ISM1: variants seen among roughly 807,000 people sequenced by gnomAD.
The protein encoded by ISM1 is isthmin-1.
ISM1 carries 25 observed loss-of-function variants against 46.3 expected under a neutral mutation model. That is an observed-to-expected ratio of 0.54 (90% CI 0.39 to 0.75). The LOEUF (loss-of-function observed/expected upper bound fraction) is 0.75, where lower values mean the gene tolerates loss of function less well. ISM1 is among the 30% of genes least tolerant of loss of function. The pLI is 0.00. For synonymous variants in ISM1, 255 were observed against 256.7 expected (o/e 0.99, Z 0.06); for missense variants, 536 against 625.4 (o/e 0.86, Z 1.52).
At chr20:13,295,221 G>C (rs781127070) in intron 5 of ISM1, among the ~76,000 whole-genome samples, 4 of 152,106 alleles carry the variant, frequency 2.6e-5, no homozygotes, top group Middle Eastern at 3.2e-3. Flanking sequence ...CCCACCTGCT[G>C]TTTCCTCCCA....
chr20:13,228,773 A>T (rs559205826), intron 1 of ISM1, among the ~76,000 whole-genome samples: 2 of 152,262 alleles, frequency 1.3e-5, no homozygotes, highest in Non-Finnish European at 2.9e-5. Flanking sequence ...CCTGTTAGAG[A>T]TTGAAACTAA....
At chr20:13,229,881 G>A (rs1285803311) in intron 1 of ISM1, among the ~76,000 whole-genome samples, 1 of 151,976 alleles carries the variant, frequency 6.6e-6, no homozygotes, top group Non-Finnish European at 1.5e-5. Flanking sequence ...ATTCTGTTGT[G>A]GATTGACTCA....
intron 1 of ISM1, among the ~76,000 whole-genome samples, chr20:13,239,888 T>C (rs2039698150): frequency 6.6e-6 from 1 of 152,060 alleles, no homozygotes; most frequent in Non-Finnish European, 1.5e-5. Flanking sequence ...AGCCACACAA[T>C]CCCCCATTTC....
chr20:13,252,770 G>A (rs2039882313), intron 1 of ISM1, among the ~76,000 whole-genome samples: 1 of 151,934 alleles, frequency 6.6e-6, no homozygotes, highest in African/African-American at 2.4e-5. Context: ...AAAAAAAGAG[G>A]AGCCATCTTA....
intron 1 of ISM1, among the ~76,000 whole-genome samples, chr20:13,258,908 G>A (rs182344483): frequency 6.6e-5 from 10 of 152,204 alleles, no homozygotes; most frequent in African/African-American, 1.2e-4. Context: ...ACCAACATCC[G>A]GATAGGGGCC....
intron 5 of ISM1, among the ~76,000 whole-genome samples, chr20:13,297,664 CACAGG>C (rs1342030392): frequency 6.6e-6 from 1 of 152,230 alleles, no homozygotes; most frequent in African/African-American, 2.4e-5. Flanking sequence ...TTCACCTGTT[CACAGG>C]ATCAGTTGTT....
intron 1 of ISM1, among the ~76,000 whole-genome samples, chr20:13,246,883 C>T (rs969449085): frequency 1.2e-4 from 18 of 149,548 alleles, no homozygotes; most frequent in African/African-American, 4.4e-4. Flanking sequence ...ATCCTTCTCT[C>T]TTTTTTTTTT....
chr20:13,299,520 G>A lies in ISM1; in HGVS notation c.*61G>A. On this transcript the variant is annotated 3_prime_UTR_variant, in exon 6 of 6. Coordinates refer to ENST00000262487, the MANE Select transcript of ISM1 (RefSeq NM_080826.2). This position sits in a 1 kb window ranked among gnomAD's most constrained non-coding sequence, Gnocchi z 5.8. The stretch of plus-strand genomic sequence containing the variant: ...TTCTGGAGCACACACGTGCTGCACT[G>A]ACGTGCCGACTGGCGCCGAGACCTT... 1 of 1,460,334 alleles carries A rather than the reference G, an allele frequency of 6.8e-7. No individual in the cohort carries two copies. Among genetic ancestry groups the A allele is most frequent in the African/African-American group, 1.4e-5 (1 of 71,388 alleles). 90.5% of individuals were successfully genotyped at this position (1,460,334 alleles called of 1,614,324 possible). A position where few individuals can be genotyped will look rare whatever the true frequency, so the allele number is the denominator to read the frequency against.
the ISM1 span, among the ~76,000 whole-genome samples, chr20:13,309,603 T>C: frequency 6.6e-6 from 1 of 152,062 alleles, no homozygotes; most frequent in Non-Finnish European, 1.5e-5. Flanking sequence ...CCAGAACAAG[T>C]AGGCAAGAAA....
rs1432310660 is a variant in ISM1, at chr20:13,221,563, C to G, written c.-214C>G. On this transcript the variant is annotated 5_prime_UTR_variant, in exon 1 of 6. Coordinates refer to ENST00000262487, the MANE Select transcript of ISM1 (RefSeq NM_080826.2). ...TGGCTCCGCCGTGGTGCGGCGGCGGCGGCGGCGGCGGCGCCGGCAGCTCCT... is the reference window on the plus strand; with the variant it reads ...TGGCTCCGCCGTGGTGCGGCGGCGGGGGCGGCGGCGGCGCCGGCAGCTCCT... Among the ~76,000 whole-genome samples, 3 of 143,220 alleles carry G rather than the reference C, an allele frequency of 2.1e-5. No homozygotes were observed. In the East Asian group the frequency reaches 6.6e-4, roughly 32 times the overall value. 94.0% of individuals were successfully genotyped at this position (143,220 alleles called of 152,430 possible). A position where few individuals can be genotyped will look rare whatever the true frequency, so the allele number is the denominator to read the frequency against.
At chr20:13,275,493 G>A (rs1015149821) in intron 2 of ISM1, among the ~76,000 whole-genome samples, 9 of 152,176 alleles carry the variant, frequency 5.9e-5, no homozygotes, top group Non-Finnish European at 1.2e-4. Flanking sequence ...GCCAATATAT[G>A]GAGGCAGATT....
chr20:13,275,847 A>G (rs993526085), intron 2 of ISM1, among the ~76,000 whole-genome samples: 1 of 152,240 alleles, frequency 6.6e-6, no homozygotes, highest in Non-Finnish European at 1.5e-5. Flanking sequence ...AGAGACCAAC[A>G]CTACATCTTC....
intron 5 of ISM1, among the ~76,000 whole-genome samples, chr20:13,298,570 TAA>T (rs1386915343): frequency 6.6e-6 from 1 of 152,194 alleles, no homozygotes; most frequent in African/African-American, 2.4e-5. Context: ...CAACATTTTT[TAA>T]AAGATAAAAC....
the ISM1 span, among the ~76,000 whole-genome samples, chr20:13,318,747 A>G: frequency 1.3e-5 from 2 of 152,198 alleles, no homozygotes; most frequent in African/African-American, 4.8e-5. Flanking sequence ...TTTGAAACTC[A>G]GTGAAAAAAG....
At chr20:13,224,630 T>C (rs1485549136) in intron 1 of ISM1, among the ~76,000 whole-genome samples, 1 of 152,208 alleles carries the variant, frequency 6.6e-6, no homozygotes, top group Non-Finnish European at 1.5e-5. Context: ...TATAAGGTTG[T>C]CTTAGTCAGA....
chr20:13,233,487 C>T (rs183304091), intron 1 of ISM1, among the ~76,000 whole-genome samples: 102 of 150,286 alleles, frequency 6.8e-4, no homozygotes, highest in African/African-American at 2.1e-3. Context: ...CCCAGCTACT[C>T]GGGAGGCTGA....
At chr20:13,241,841 C>CT (rs1418236568) in intron 1 of ISM1, among the ~76,000 whole-genome samples, 2 of 152,072 alleles carry the variant, frequency 1.3e-5, no homozygotes, top group Non-Finnish European at 2.9e-5. Flanking sequence ...CACCCACCTG[C>CT]TTGGCTACTA....
rs1335659532 is a variant in ISM1, at chr20:13,221,351, T to C, written c.-426T>C. Among the ~76,000 whole-genome samples the C allele has an allele frequency of 2.1e-5, 3 of 142,680 alleles. No individual in the cohort carries two copies. In the East Asian group the frequency reaches 6.9e-4, roughly 33 times the overall value. 93.6% of individuals were successfully genotyped at this position (142,680 alleles called of 152,430 possible). On this transcript the variant is annotated 5_prime_UTR_variant, in exon 1 of 6. It removes an upstream start codon present in the reference 5' UTR. Coordinates refer to ENST00000262487, the MANE Select transcript of ISM1 (RefSeq NM_080826.2). Reference sequence around the variant, plus strand: ...GCCGCGGCCACATCTGGGGCGCCCATGTGCGCTCGGGGGCTCGGCTGCGCC... The same window carrying C: ...GCCGCGGCCACATCTGGGGCGCCCACGTGCGCTCGGGGGCTCGGCTGCGCC...
chr20:13,276,532 GC>G (rs962991914), intron 2 of ISM1, among the ~76,000 whole-genome samples: 6 of 152,184 alleles, frequency 3.9e-5, no homozygotes, highest in African/African-American at 1.4e-4. Flanking sequence ...TGAACTTGAG[GC>G]TTTTGAAAGA....
Sources: allele counts gnomAD v4.1 joint callset (sites outside exome capture counted in the v4.1 genomes callset), GRCh38; gene constraint gnomAD v4.1.1; non-coding constraint Gnocchi (gnomAD v3.1); transcripts MANE v1.5; gene names NCBI Gene and HGNC (gene_info 2026-07-23, HGNC 2026-07-21).